The following ZC3H18 variants were observed in gnomAD, a reference collection of about 807,000 sequenced individuals.
ZC3H18 encodes zinc finger CCCH-type containing 18.
Under a neutral mutation model 106.1 loss-of-function variants are expected in ZC3H18, and 8 were observed. That is an observed-to-expected ratio of 0.08 (90% CI 0.04 to 0.14). The LOEUF is 0.14. ZC3H18 is among the 10% of genes least tolerant of loss of function. The pLI is 1.00. For synonymous variants in ZC3H18, 635 were observed against 522.1 expected (o/e 1.22, Z -2.95); for missense variants, 1,318 against 1,278.4 (o/e 1.03, Z -0.47).
intron 2 of ZC3H18, among the ~76,000 whole-genome samples, chr16:88,582,446 C>A (rs1915192972): frequency 1.3e-5 from 2 of 151,920 alleles, no homozygotes; most frequent in African/African-American, 4.8e-5. Context: ...CTGGTCTTGA[C>A]CTCCTGACCT....
intron 17 of ZC3H18, 81 bp downstream of exon 17, chr16:88,630,662 G>A: frequency 7.9e-7 from 1 of 1,266,900 alleles, no homozygotes; most frequent in South Asian, 1.3e-5. Flanking sequence ...AGCAGCAGCA[G>A]GGCTAGCACT....
At chr16:88,628,154 C>T (rs767622585) in intron 15 of ZC3H18, 35 bp downstream of exon 15, 21 of 1,603,886 alleles carry the variant, frequency 1.3e-5, no homozygotes, top group East Asian at 6.7e-5. Flanking sequence ...GCTGCCCCAG[C>T]GTCTAGGCCT....
In ZC3H18 at chr16:88,622,345, C is replaced by G. The variant is rs1331617959; in HGVS notation, c.1624C>G (p.Arg542Gly). 1.9e-6 allele frequency: 3 copies of G among 1,613,286 alleles called. No individual in the cohort carries two copies. Among genetic ancestry groups the G allele is most frequent in the Non-Finnish European group, 1.7e-6 (2 of 1,179,620 alleles). The change falls in exon 9 of 18, where the codon CGG (arginine) becomes GGG (glycine). Residue 542 changes from arginine (R) to glycine (G), a missense_variant. Arg to Gly is a moderately radical substitution (Grantham distance 125, BLOSUM62 -2). This residue lies in a region of ZC3H18 where 848 missense variants were observed against 821.7 expected (regional missense o/e 1.03). Transcript: ENST00000301011. ...SVSPSRARRR[R>G]KTSASSASAS... ...CTCCCCGAGCCGGGCTCGAAGGCGT[C>G]GGAAAACATCAGCCTCGTCAGCCTC...
intron 3 of ZC3H18, among the ~76,000 whole-genome samples, chr16:88,595,352 A>G (rs1031775451): frequency 2.6e-5 from 4 of 152,152 alleles, no homozygotes; most frequent in African/African-American, 4.8e-5. Context: ...TGTACACAGT[A>G]TCCGCAGAAC....
At chr16:88,608,411 C>G (rs914687901) in intron 6 of ZC3H18, 1 of 152,012 alleles carries the variant, frequency 6.6e-6, no homozygotes, top group African/African-American at 2.4e-5. Context: ...TTGCCCAGGC[C>G]GGAGTGCAAT....
intron 2 of ZC3H18, among the ~76,000 whole-genome samples, chr16:88,581,558 G>A (rs1915131480): frequency 6.6e-6 from 1 of 152,184 alleles, no homozygotes; most frequent in Admixed American, 6.5e-5. Context: ...GAAAGTTTCC[G>A]TACAGGGCTG....
At chr16:88,598,816 C>G (rs1904591530) in intron 5 of ZC3H18, 104 bp downstream of exon 5, 1 of 1,035,200 alleles carries the variant, frequency 9.7e-7, no homozygotes, top group Non-Finnish European at 1.4e-6. Flanking sequence ...CCAGAAATCT[C>G]TGAAGTTAGG....
rs1597365749 is a variant in ZC3H18, at chr16:88,631,550, TA to T, written c.*254del. On this transcript the variant is annotated 3_prime_UTR_variant, in exon 18 of 18. Transcript: ENST00000301011. ...GCTAGTGACCAGCACGGTTCTCATG[TA>T]AATTACAAGCCCCAGCCGCCAGCCC... 1.6e-6 allele frequency: 1 copy of T among 606,634 alleles called. No individual in the cohort carries two copies. Among genetic ancestry groups the T allele is most frequent in the East Asian group, 3.6e-5 (1 of 28,030 alleles). 37.6% of individuals were successfully genotyped at this position (606,634 alleles called of 1,614,324 possible).
chr16:88,593,068 G>A (rs777287820), intron 3 of ZC3H18, among the ~76,000 whole-genome samples: 3 of 152,186 alleles, frequency 2.0e-5, no homozygotes, highest in African/African-American at 4.8e-5. Flanking sequence ...ATAAAATAGA[G>A]CAATTGTAAT....
At chr16:88,624,778 T>C in intron 12 of ZC3H18, 33 bp downstream of exon 12, 1 of 1,581,392 alleles carries the variant, frequency 6.3e-7, no homozygotes, top group Admixed American at 1.9e-5. Context: ...CCCTCAGGCT[T>C]TCCGTGTTCT....
intron 2 of ZC3H18, among the ~76,000 whole-genome samples, chr16:88,583,467 C>T (rs1049532676): frequency 6.6e-6 from 1 of 152,214 alleles, no homozygotes; most frequent in Non-Finnish European, 1.5e-5. Flanking sequence ...AAGGGGAAGG[C>T]GAGCTTTGCA....
chr16:88,585,435 C>T (rs1476347903), intron 2 of ZC3H18, among the ~76,000 whole-genome samples: 2 of 152,170 alleles, frequency 1.3e-5, no homozygotes, highest in African/African-American at 2.4e-5. Flanking sequence ...CCCTGGCAGA[C>T]GTGGGCCTGC....
chr16:88,628,177 T>C, intron 15 of ZC3H18, 58 bp downstream of exon 15: 1 of 1,579,118 alleles, frequency 6.3e-7, no homozygotes, highest in Admixed American at 1.8e-5. Flanking sequence ...GTCCATCTGC[T>C]TCCTGAGACA....
chr16:88,584,099 T>C (rs994490296), intron 2 of ZC3H18, among the ~76,000 whole-genome samples: 1 of 152,194 alleles, frequency 6.6e-6, no homozygotes, highest in African/African-American at 2.4e-5. Flanking sequence ...AAATATTTTG[T>C]TATTTACACA....
chr16:88,613,526 A>G (rs1032110475), intron 8 of ZC3H18, among the ~76,000 whole-genome samples: 16 of 152,052 alleles, frequency 1.1e-4, no homozygotes, highest in African/African-American at 3.9e-4. Flanking sequence ...CGTCTTGTTG[A>G]TGACAGCCGT....
chr16:88,613,848 GTTCTC>G (rs1451706208), intron 8 of ZC3H18, among the ~76,000 whole-genome samples: 5 of 152,120 alleles, frequency 3.3e-5, no homozygotes, highest in South Asian at 2.1e-4. Flanking sequence ...TTACTGCCGT[GTTCTC>G]TTCTAAGAGT....
At chr16:88,608,861 C>CT in intron 6 of ZC3H18, 73 bp from the exon 7 acceptor site, 1 of 1,281,314 alleles carries the variant, frequency 7.8e-7, no homozygotes. Context: ...CTTTCTGTCC[C>CT]TAATGTTTCG....
chr16:88,627,676 C>T lies in ZC3H18; in HGVS notation c.2163C>T (p.Ser721=), dbSNP rs570948772. 1 of 1,613,756 alleles carries T rather than the reference C, an allele frequency of 6.2e-7. No homozygotes were observed. Among genetic ancestry groups the T allele is most frequent in the Non-Finnish European group, 8.5e-7 (1 of 1,179,750 alleles). ...SSVSSATSSS[S]SAHSVDSEDM... ...TGTCCAGTGCTACGTCGAGCAGCAG[C>T]TCTGCACACAGCGTGGACTCGGAGG... The change falls in exon 14 of 18, where the codon AGC becomes AGT. Residue 721 remains serine (S), a synonymous_variant. Coordinates refer to ENST00000301011, the MANE Select transcript of ZC3H18 (RefSeq NM_144604.4). This position sits in a 1 kb window ranked among gnomAD's most constrained non-coding sequence, Gnocchi z 4.5.
rs142959829 is a variant in ZC3H18 at position 88,631,209 on chromosome 16, G to A, written c.2772G>A (p.Thr924=). ...GCACCAAATCAGGGAAGGCCAGCAC[G>A]CTGTCTCGGCGGGAGGAGCTGCTGA... ...AASTKSGKAS[T]LSRREELLKQ... Residue 924 remains threonine (T), a synonymous_variant, in exon 18 of 18, where the codon ACG becomes ACA. Coordinates refer to ENST00000301011, the MANE Select transcript of ZC3H18 (RefSeq NM_144604.4). 37 of 1,613,674 alleles carry A rather than the reference G, an allele frequency of 2.3e-5. No individual in the cohort carries two copies. Among genetic ancestry groups the A allele is most frequent in the African/African-American group, 1.5e-4 (11 of 74,930 alleles).
Sources: allele counts gnomAD v4.1 joint callset (sites outside exome capture counted in the v4.1 genomes callset), GRCh38; gene constraint gnomAD v4.1.1; regional missense constraint gnomAD v4.1.1; non-coding constraint Gnocchi (gnomAD v3.1); transcripts MANE v1.5; gene names NCBI Gene and HGNC (gene_info 2026-07-23, HGNC 2026-07-21).